Variants in FIBCD1 observed in about 807,000 individuals in gnomAD.
FIBCD1 encodes fibrinogen C domain-containing protein 1.
Under a neutral mutation model 45.1 loss-of-function variants are expected in FIBCD1, and 47 were observed. The observed-to-expected ratio is 1.04, with a 90% CI of 0.82 to 1.33. FIBCD1 has a LOEUF of 1.33. Ranked by LOEUF, FIBCD1 falls within the 40% of genes most tolerant of loss-of-function variation. FIBCD1 has a pLI of 0.00. For missense variants in FIBCD1, 653 were observed against 682.2 expected, an observed-to-expected ratio of 0.96 and a Z score of 0.48; for synonymous variants, 313 against 308.1, an observed-to-expected ratio of 1.02 and a Z score of -0.17.
chr9:130,924,512 G>A (rs1832326144), intron 2 of FIBCD1, 116 bp from the exon 3 acceptor site: 3 of 1,024,702 alleles, frequency 2.9e-6, no homozygotes, highest in African/African-American at 1.6e-5. Context: ...TGGGCTTCTG[G>A]CTCAAGGCCC....
chr9:130,910,595 T>G (rs1319588848), intron 5 of FIBCD1, among the ~76,000 whole-genome samples: 5 of 152,186 alleles, frequency 3.3e-5, no homozygotes, highest in Admixed American at 3.3e-4. Context: ...CTGAGTCTGG[T>G]GGGGAGGTGG....
At chr9:130,904,620 TC>T (rs1359898749) in intron 6 of FIBCD1, among the ~76,000 whole-genome samples, 1 of 151,348 alleles carries the variant, frequency 6.6e-6, no homozygotes, top group African/African-American at 2.4e-5. Context: ...CTCTCCTGCC[TC>T]CCCGCTCCTC....
intron 1 of FIBCD1, chr9:130,937,928 A>C (rs1176636265): frequency 2.6e-5 from 4 of 152,406 alleles, no homozygotes; most frequent in African/African-American, 9.6e-5. Context: ...AAATCCCGAC[A>C]GAGCTGCGTG....
intron 2 of FIBCD1, among the ~76,000 whole-genome samples, chr9:130,927,959 C>T (rs28420838): frequency 0.045 from 6,895 of 152,304 alleles, 534 homozygotes; most frequent in African/African-American, 0.16. Context: ...TGCACCTGGC[C>T]GGGAAGCTGC....
intron 4 of FIBCD1, among the ~76,000 whole-genome samples, chr9:130,913,963 A>G (rs922661749): frequency 2.0e-5 from 3 of 152,030 alleles, no homozygotes; most frequent in Admixed American, 1.3e-4. Flanking sequence ...TCTGGGTTCC[A>G]GGGCCCCAGC....
chr9:130,912,661 C>T (rs1277732482), intron 4 of FIBCD1, among the ~76,000 whole-genome samples: 2 of 150,996 alleles, frequency 1.3e-5, no homozygotes, highest in Non-Finnish European at 2.9e-5. Flanking sequence ...GAGCCGAGAT[C>T]ATGCCACTAC....
chr9:130,923,967 G>T, intron 3 of FIBCD1, 87 bp from the exon 4 acceptor site: 1 of 1,581,994 alleles, frequency 6.3e-7, no homozygotes, highest in East Asian at 2.3e-5. Context: ...CATCGATAAT[G>T]CATGTGGGGT....
intron 4 of FIBCD1, 89 bp downstream of exon 4, chr9:130,923,655 A>G (rs1387863574): frequency 1.3e-6 from 2 of 1,530,358 alleles, no homozygotes; most frequent in African/African-American, 1.4e-5. Context: ...AGGGCTGGGT[A>G]GGAAGCTGCT....
At chr9:130,910,338 C>T (rs1487266781) in intron 5 of FIBCD1, among the ~76,000 whole-genome samples, 1 of 152,212 alleles carries the variant, frequency 6.6e-6, no homozygotes, top group African/African-American at 2.4e-5. Flanking sequence ...GATTTCTCAC[C>T]GGGCCTTAGC....
chr9:130,921,393 C>A lies in FIBCD1; in HGVS notation c.849+2351G>T, dbSNP rs1490769445. On this transcript the variant is annotated intron_variant, in intron 4 of 6. Transcript: ENST00000372338. Reference sequence around the variant, plus strand: ...TGATCCTGACAGATGTCGAGAGGTTCCTGGGAAAAGATTGCTTCTGATGGA... The same window carrying A: ...TGATCCTGACAGATGTCGAGAGGTTACTGGGAAAAGATTGCTTCTGATGGA... 4.6e-5 allele frequency among the ~76,000 whole-genome samples: 7 copies of A among 152,322 alleles called. No individual in the cohort carries two copies. The East Asian group carries it at 9.6e-4, about 21-fold the overall frequency.
intron 5 of FIBCD1, among the ~76,000 whole-genome samples, chr9:130,908,874 G>A (rs1410517051): frequency 6.6e-6 from 1 of 152,132 alleles, no homozygotes; most frequent in Non-Finnish European, 1.5e-5. Context: ...GGCATGGGTG[G>A]CAGATCTTGC....
chr9:130,917,681 G>A lies in FIBCD1; in HGVS notation c.850-5793C>T, dbSNP rs115198031. ...GCCCAGAACATGCAGCTAGCGTCCTGAGCACTGAGCTGGGCTCTGTGGTCA... is the reference window on the plus strand; with the variant it reads ...GCCCAGAACATGCAGCTAGCGTCCTAAGCACTGAGCTGGGCTCTGTGGTCA... On this transcript the variant is annotated intron_variant, in intron 4 of 6. Transcript: ENST00000372338. Among the ~76,000 whole-genome samples the A allele has an allele frequency of 7.1e-3, 1,078 of 152,312 alleles. 16 individuals are homozygous for A. The highest frequency in any genetic ancestry group is 0.025 in the African/African-American group (1,034 of 41,564).
At chr9:130,907,638 G>C (rs3739514) in intron 5 of FIBCD1, among the ~76,000 whole-genome samples, 19 of 152,006 alleles carry the variant, frequency 1.2e-4, no homozygotes, top group Non-Finnish European at 2.2e-4. Context: ...GGTGGCTTAC[G>C]CCTGTAATTC....
In FIBCD1 at chr9:130,903,870, G is replaced by T; in HGVS notation, c.*194C>A. 1 of 709,552 alleles carries T rather than the reference G, an allele frequency of 1.4e-6. No individual in the cohort carries two copies. The highest frequency in any genetic ancestry group is 2.5e-6 in the Non-Finnish European group (1 of 402,242). The allele number at this position is 709,552 out of a possible 1,614,324, so 44.0% of individuals were successfully genotyped here. A position where few individuals can be genotyped will look rare whatever the true frequency, so the allele number is the denominator to read the frequency against. On this transcript the variant is annotated 3_prime_UTR_variant, in exon 7 of 7. Transcript: ENST00000372338. ...GAGATCAGTGAGCTGCCAAATGGAG[G>T]GGGTGGGGACGGCGAGAAGGCGATG...
chr9:130,904,008 TG>T lies in FIBCD1; in HGVS notation c.*55del. The T allele has an allele frequency of 6.3e-7, 1 of 1,583,106 alleles. No homozygotes were observed. Among genetic ancestry groups the T allele is most frequent in the Non-Finnish European group, 8.6e-7 (1 of 1,165,126 alleles). On this transcript the variant is annotated 3_prime_UTR_variant, in exon 7 of 7. Transcript: ENST00000372338. ...GGAGAACATTCACGAAAGAGTGAGG[TG>T]GGGTCGGGGATGGGGCGACAGGGAC...
intron 1 of FIBCD1, among the ~76,000 whole-genome samples, chr9:130,935,809 C>A (rs1832509930): frequency 6.6e-6 from 1 of 152,158 alleles, no homozygotes; most frequent in South Asian, 2.1e-4. Flanking sequence ...CAAATGGGTT[C>A]ATCACTCCTG....
rs1296666728 is a variant in FIBCD1 at position 130,938,575 on chromosome 9, G to C, written c.33C>G (p.Gly11=). Reference sequence around the variant, plus strand: ...GCGGCCGGTCCTCAAGTTGGGCAGCGCCGCCCATGGTCTTCCACCGGTCGT... The same window carrying C: ...GCGGCCGGTCCTCAAGTTGGGCAGCCCCGCCCATGGTCTTCCACCGGTCGT... MVNDRWKTMG[G]AAQLEDRPRD... Residue 11 remains glycine, a synonymous_variant, in exon 1 of 7, where the codon GGC becomes GGG. Coordinates refer to ENST00000372338, the MANE Select transcript of FIBCD1 (RefSeq NM_032843.5). 1.3e-6 allele frequency: 2 copies of C among 1,488,844 alleles called. No homozygotes were observed. Among genetic ancestry groups the C allele is most frequent in the Non-Finnish European group, 1.8e-6 (2 of 1,124,484 alleles). 92.2% of individuals were successfully genotyped at this position (1,488,844 alleles called of 1,614,324 possible).
At chr9:130,918,849 CTG>C (rs1832209268) in intron 4 of FIBCD1, among the ~76,000 whole-genome samples, 1 of 152,226 alleles carries the variant, frequency 6.6e-6, no homozygotes, top group South Asian at 2.1e-4. Flanking sequence ...CTTTCTGAGT[CTG>C]TTTCTCTCTG....
intron 6 of FIBCD1, among the ~76,000 whole-genome samples, chr9:130,904,982 TC>T (rs1831900327): frequency 1.3e-5 from 2 of 152,246 alleles, no homozygotes; most frequent in South Asian, 4.1e-4. Context: ...AAGAAAATTT[TC>T]CCTTTTCTGT....
Sources: gnomAD v4.1 joint callset for allele counts (sites outside exome capture counted in the v4.1 genomes callset) on GRCh38, gnomAD v4.1.1 for gene constraint, MANE v1.5 for transcripts, NCBI Gene and HGNC (gene_info 2026-07-23, HGNC 2026-07-21) for gene names.